Variants in IGFL2 observed in about 807,000 individuals in gnomAD.
The protein encoded by IGFL2 is IGF like family member 2.
A neutral mutation model predicts 13.9 loss-of-function variants in IGFL2; 7 were observed. The ratio of observed to expected loss-of-function variants is 0.51; its 90% CI spans 0.29 to 0.95. The LOEUF (loss-of-function observed/expected upper bound fraction) is 0.95. IGFL2 is among the 40% of genes least tolerant of loss of function. IGFL2 has a pLI of 0.08. For synonymous variants in IGFL2, 55 were observed against 55.8 expected (o/e 0.99, Z 0.07); for missense variants, 138 against 147.8 (o/e 0.93, Z 0.34).
chr19:46,116,360 G>A, the IGFL2 span, among the ~76,000 whole-genome samples: 1 of 152,082 alleles, frequency 6.6e-6, no homozygotes, highest in Non-Finnish European at 1.5e-5. Flanking sequence ...AAAATGCTGT[G>A]AGTTTAAGGA....
chr19:46,115,453 A>T, the IGFL2 span, among the ~76,000 whole-genome samples: 1 of 152,196 alleles, frequency 6.6e-6, no homozygotes, highest in African/African-American at 2.4e-5. Context: ...AATCACTGGA[A>T]ATGTTGAGGG....
chr19:46,173,462 T>C, the IGFL2 span: 103,266 of 152,150 alleles, frequency 0.68, 35,948 homozygotes, highest in Middle Eastern at 0.77. Context: ...GCTCACGGTT[T>C]TATAAGCTGT....
upstream of IGFL2, among the ~76,000 whole-genome samples, chr19:46,144,736 G>A (rs541553165): frequency 3.3e-5 from 5 of 152,212 alleles, no homozygotes; most frequent in South Asian, 8.3e-4. Flanking sequence ...TTAAACACAG[G>A]TATAGATTCA....
chr19:46,107,062 G>A, the IGFL2 span, among the ~76,000 whole-genome samples: 1 of 152,170 alleles, frequency 6.6e-6, no homozygotes, highest in South Asian at 2.1e-4. Context: ...TAACTAAAAA[G>A]GAGTGGATAA....
At chr19:46,171,480 A>T in the IGFL2 span, among the ~76,000 whole-genome samples, 11 of 152,190 alleles carry the variant, frequency 7.2e-5, no homozygotes, top group African/African-American at 2.7e-4. Flanking sequence ...AGACCATACC[A>T]TTCATGGAAT....
the IGFL2 span, among the ~76,000 whole-genome samples, chr19:46,108,142 C>G: frequency 6.6e-6 from 1 of 151,922 alleles, no homozygotes; most frequent in Non-Finnish European, 1.5e-5. Flanking sequence ...GAGGAGCAGC[C>G]TGGGGAGGAG....
the IGFL2 span, among the ~76,000 whole-genome samples, chr19:46,082,652 C>A: frequency 9.8e-4 from 148 of 150,750 alleles, no homozygotes; most frequent in African/African-American, 3.4e-3. Flanking sequence ...TTTGAAGACA[C>A]TCCACTCTGT....
At chr19:46,149,844 A>G (rs960560531) in intron 1 of IGFL2, among the ~76,000 whole-genome samples, 9 of 152,192 alleles carry the variant, frequency 5.9e-5, no homozygotes, top group African/African-American at 1.2e-4. Context: ...AAACATATGT[A>G]TACATGTATT....
chr19:46,098,796 TTTAA>T, the IGFL2 span, among the ~76,000 whole-genome samples: 84 of 152,354 alleles, frequency 5.5e-4, no homozygotes, highest in African/African-American at 2.0e-3. Flanking sequence ...ATCTGTGTCT[TTTAA>T]TTGGAGCATT....
chr19:46,209,003 C>G, the IGFL2 span: 1 of 152,194 alleles, frequency 6.6e-6, no homozygotes, highest in Admixed American at 6.5e-5. Context: ...TTCTGGTGCC[C>G]TCCTCCAGGA....
the IGFL2 span, among the ~76,000 whole-genome samples, chr19:46,095,138 C>T: frequency 1.3e-5 from 2 of 152,150 alleles, no homozygotes; most frequent in Non-Finnish European, 2.9e-5. Flanking sequence ...ATTTACATTC[C>T]CACCAACAGT....
the IGFL2 span, among the ~76,000 whole-genome samples, chr19:46,173,088 G>A: frequency 6.6e-6 from 1 of 152,220 alleles, no homozygotes; most frequent in Non-Finnish European, 1.5e-5. Flanking sequence ...GTTGTAAAAT[G>A]AATAGTTGCA....
the IGFL2 span, among the ~76,000 whole-genome samples, chr19:46,188,504 G>A: frequency 1.3e-5 from 2 of 152,138 alleles, no homozygotes; most frequent in Admixed American, 1.3e-4. Context: ...TCAACATAAA[G>A]CAGCACAGCC....
the IGFL2 span, among the ~76,000 whole-genome samples, chr19:46,104,280 A>C: frequency 2.0e-5 from 3 of 152,182 alleles, no homozygotes; most frequent in Non-Finnish European, 4.4e-5. Context: ...GAAGGGCAAG[A>C]GGTAAAAGTA....
upstream of IGFL2, among the ~76,000 whole-genome samples, chr19:46,141,613 A>G (rs111766757): frequency 3.5e-4 from 54 of 152,124 alleles, 1 homozygote; most frequent in African/African-American, 1.2e-3. Flanking sequence ...ACTCCTAGAA[A>G]CACCCAAAAC....
the IGFL2 span, among the ~76,000 whole-genome samples, chr19:46,129,469 G>GTT: frequency 6.6e-6 from 1 of 151,630 alleles, no homozygotes; most frequent in Non-Finnish European, 1.5e-5. Context: ...TTGTGAAGCT[G>GTT]AGTTCTGACT....
chr19:46,209,993 C>A, the IGFL2 span: 1 of 151,158 alleles, frequency 6.6e-6, no homozygotes, highest in African/African-American at 2.4e-5. Flanking sequence ...GTGGGGGCTG[C>A]AGGGGGGGAG....
chr19:46,088,728 G>A, the IGFL2 span, among the ~76,000 whole-genome samples: 1 of 152,170 alleles, frequency 6.6e-6, no homozygotes, highest in Non-Finnish European at 1.5e-5. Context: ...GAGAAGAGGC[G>A]ATGAGAATAC....
At chr19:46,213,572 C>G in the IGFL2 span, 1 of 155,332 alleles carries the variant, frequency 6.4e-6, no homozygotes, top group Non-Finnish European at 1.5e-5. Context: ...ACTCCCTGTT[C>G]CCTCATTCTT....
Sources: allele counts gnomAD v4.1 joint callset (sites outside exome capture counted in the v4.1 genomes callset), GRCh38; gene constraint gnomAD v4.1.1; transcripts MANE v1.5; gene names NCBI Gene and HGNC (gene_info 2026-07-23, HGNC 2026-07-21).